GIGYF2: variants seen among roughly 807,000 people sequenced by gnomAD.
The protein encoded by GIGYF2 is GRB10 interacting GYF protein 2.
GIGYF2 carries 25 observed loss-of-function variants against 208.1 expected under a neutral mutation model. The observed-to-expected ratio is 0.12, with a 90% CI of 0.09 to 0.17. The LOEUF (loss-of-function observed/expected upper bound fraction) is 0.17. Among genes scored for constraint, GIGYF2 ranks in the 10% least tolerant of loss-of-function variants. The probability of loss-of-function intolerance (pLI) is 1.00; values close to 1 mark genes in which losing one functional copy is unlikely to be tolerated. For missense variants in GIGYF2, 1,302 were observed against 1,579.4 expected, an observed-to-expected ratio of 0.82 and a Z score of 2.98; for synonymous variants, 534 against 543.8, an observed-to-expected ratio of 0.98 and a Z score of 0.25.
At chr2:232,730,068 G>T in intron 2 of GIGYF2, 1 of 1,044,078 alleles carries the variant, frequency 9.6e-7, no homozygotes, top group Non-Finnish European at 1.5e-6. Flanking sequence ...AGCAGGCGGT[G>T]GGCCAGATGC....
At position 232,753,859 on chromosome 2, in the gene GIGYF2, G is replaced by A. The variant is rs116130485; in HGVS notation, c.268-2364G>A. On this transcript the variant is annotated intron_variant, in intron 5 of 28. Coordinates refer to ENST00000373563, the MANE Select transcript of GIGYF2 (RefSeq NM_001103146.3). The stretch of plus-strand genomic sequence containing the variant: ...GACATTGCAGTTTTTGTTATCACAT[G>A]ATTCTGCCTAAGAAATAGATTTGTG... 8.8e-3 allele frequency among the ~76,000 whole-genome samples: 1,334 copies of A among 152,024 alleles called. 12 individuals are homozygous for A. The highest frequency in any genetic ancestry group is 0.03 in the African/African-American group (1,265 of 41,480).
chr2:232,759,827 C>T (rs1296528378), intron 6 of GIGYF2, among the ~76,000 whole-genome samples: 1 of 152,130 alleles, frequency 6.6e-6, no homozygotes. Flanking sequence ...TATGCTTGAA[C>T]CACCAGAGAG....
At chr2:232,824,959 G>A (rs1701204421) in intron 21 of GIGYF2, among the ~76,000 whole-genome samples, 1 of 152,190 alleles carries the variant, frequency 6.6e-6, no homozygotes, top group South Asian at 2.1e-4. Flanking sequence ...TGCCTGTGCT[G>A]TATAAATGGA....
At chr2:232,743,939 A>G (rs1254804562) in intron 3 of GIGYF2, among the ~76,000 whole-genome samples, 1 of 152,046 alleles carries the variant, frequency 6.6e-6, no homozygotes, top group African/African-American at 2.4e-5. Context: ...CTACCTCCTG[A>G]GGCTCAAGCG....
intron 8 of GIGYF2, among the ~76,000 whole-genome samples, chr2:232,778,597 G>T (rs959992330): frequency 2.0e-5 from 3 of 152,058 alleles, no homozygotes; most frequent in South Asian, 4.1e-4. Flanking sequence ...CCTTTTGAAG[G>T]TTTGATAATT....
At chr2:232,739,350 A>G (rs1697871960) in intron 3 of GIGYF2, among the ~76,000 whole-genome samples, 1 of 125,226 alleles carries the variant, frequency 8.0e-6, no homozygotes, top group Non-Finnish European at 1.6e-5. Flanking sequence ...AAGCCTGGGC[A>G]ACAAAAGCAA....
chr2:232,831,971 TG>T (rs138723268), intron 21 of GIGYF2, among the ~76,000 whole-genome samples: 3,267 of 152,292 alleles, frequency 0.021, 120 homozygotes, highest in African/African-American at 0.074. Flanking sequence ...ACCTCTGATG[TG>T]GCAGGAGGCT....
At chr2:232,774,464 A>G (rs1430714265) in intron 8 of GIGYF2, among the ~76,000 whole-genome samples, 1 of 152,220 alleles carries the variant, frequency 6.6e-6, no homozygotes, top group Non-Finnish European at 1.5e-5. Flanking sequence ...AAAGCAATGT[A>G]GAGAGGAGAG....
chr2:232,729,892 G>C, intron 2 of GIGYF2: 1 of 739,644 alleles, frequency 1.4e-6, no homozygotes, highest in Non-Finnish European at 2.5e-6. Flanking sequence ...GCTCCAAAGA[G>C]ATCAATGTCA....
chr2:232,817,802 A>G (rs949150987), intron 20 of GIGYF2, among the ~76,000 whole-genome samples: 2 of 152,166 alleles, frequency 1.3e-5, no homozygotes, highest in African/African-American at 4.8e-5. Flanking sequence ...GATGACTTCC[A>G]CGTTTTAGCT....
rs111709948 is a variant in GIGYF2, at chr2:232,706,817, C to T, written c.-44+3328C>T. Among the ~76,000 whole-genome samples, 100 of 151,658 alleles carry T rather than the reference C, an allele frequency of 6.6e-4. 1 individual carries two copies. The highest frequency in any genetic ancestry group is 1.8e-3 in the African/African-American group (76 of 41,348). ...AATAAATAAAAATAAATAATTAGCT[C>T]GGTGTGGTAATGCATGCCTTGGTCC... On this transcript the variant is annotated intron_variant, in intron 2 of 28. Transcript: ENST00000373563.
intron 21 of GIGYF2, 31 bp downstream of exon 21, chr2:232,820,016 C>G (rs1701028804): frequency 1.9e-6 from 3 of 1,611,462 alleles, no homozygotes; most frequent in Non-Finnish European, 2.5e-6. Flanking sequence ...TCTAATTGTT[C>G]CTTTGAAGCT....
intron 2 of GIGYF2, among the ~76,000 whole-genome samples, chr2:232,718,467 G>C (rs1337427085): frequency 1.3e-5 from 2 of 152,134 alleles, no homozygotes; most frequent in Non-Finnish European, 2.9e-5. Context: ...TTTGCCTGTT[G>C]ATGTACATTT....
intron 8 of GIGYF2, among the ~76,000 whole-genome samples, chr2:232,763,640 C>T (rs1264504986): frequency 6.6e-6 from 1 of 151,750 alleles, no homozygotes; most frequent in African/African-American, 2.4e-5. Context: ...GCTTGGCCAA[C>T]ATGGTGAAAC....
At chr2:232,809,489 C>T (rs918174186) in intron 15 of GIGYF2, among the ~76,000 whole-genome samples, 11 of 152,088 alleles carry the variant, frequency 7.2e-5, no homozygotes, top group Non-Finnish European at 1.3e-4. Flanking sequence ...AAATAAGGAC[C>T]CTTTCTCACC....
intron 3 of GIGYF2, among the ~76,000 whole-genome samples, chr2:232,744,645 C>T (rs1192559742): frequency 6.6e-6 from 1 of 151,844 alleles, no homozygotes; most frequent in Non-Finnish European, 1.5e-5. Flanking sequence ...AGTCCTCCCA[C>T]CTCAGCCTCC....
At chr2:232,836,393 A>ATAT (rs1559160990) in intron 22 of GIGYF2, among the ~76,000 whole-genome samples, 1,733 of 51,658 alleles carry the variant, frequency 0.034, 264 homozygotes, top group Middle Eastern at 0.048. Flanking sequence ...AATATATATA[A>ATAT]ATATAAATAT....
chr2:232,784,206 T>C (rs1361177413), intron 8 of GIGYF2, among the ~76,000 whole-genome samples: 1 of 152,052 alleles, frequency 6.6e-6, no homozygotes, highest in Admixed American at 6.6e-5. Flanking sequence ...AGAAGTGCCC[T>C]TCTACATAAT....
chr2:232,832,747 C>A, intron 21 of GIGYF2, 110 bp from the exon 22 acceptor site: 2 of 770,978 alleles, frequency 2.6e-6, no homozygotes, highest in Non-Finnish European at 4.3e-6. Flanking sequence ...AGAGTTTCTG[C>A]TTTCTCTGTC....
Sources: allele counts gnomAD v4.1 joint callset (sites outside exome capture counted in the v4.1 genomes callset), GRCh38; gene constraint gnomAD v4.1.1; transcripts MANE v1.5; gene names NCBI Gene and HGNC (gene_info 2026-07-23, HGNC 2026-07-21).